Variants in IGSF21 observed in about 807,000 individuals in gnomAD.
IGSF21 encodes the protein immunoglobin superfamily member 21, also known as immunoglobulin superfamily member 21.
Under a neutral mutation model 46.8 loss-of-function variants are expected in IGSF21, and 28 were observed. The ratio of observed to expected loss-of-function variants is 0.60; its 90% confidence interval spans 0.44 to 0.82. IGSF21 has a LOEUF of 0.82. Among genes scored for constraint, IGSF21 ranks in the 40% least tolerant of loss-of-function variants. The pLI, the probability that IGSF21 is intolerant of heterozygous loss-of-function variation, is 0.00. For missense variants in IGSF21, 624 were observed against 665.5 expected, an observed-to-expected ratio of 0.94 and a Z score of 0.69; for synonymous variants, 284 against 273.6, an observed-to-expected ratio of 1.04 and a Z score of -0.38.
chr1:18,147,744 A>G (rs1022896784), intron 1 of IGSF21, among the ~76,000 whole-genome samples: 5 of 152,188 alleles, frequency 3.3e-5, no homozygotes, highest in Admixed American at 2.6e-4. Flanking sequence ...GAGATTTGCA[A>G]CAACTTTGTG....
chr1:18,376,565 T>C (rs968952628), intron 7 of IGSF21, among the ~76,000 whole-genome samples, 170 bp downstream of exon 7: 1 of 152,206 alleles, frequency 6.6e-6, no homozygotes, highest in Non-Finnish European at 1.5e-5. Flanking sequence ...CCATGAGGAA[T>C]GGCAAAGAGG....
At chr1:18,159,310 C>T (rs138643597) in intron 1 of IGSF21, among the ~76,000 whole-genome samples, 16 of 152,258 alleles carry the variant, frequency 1.1e-4, no homozygotes, top group Non-Finnish European at 1.8e-4. Flanking sequence ...TGGAGGACTC[C>T]GAACAGGGGG....
chr1:18,162,197 C>T (rs542800587), intron 1 of IGSF21, among the ~76,000 whole-genome samples: 59 of 152,222 alleles, frequency 3.9e-4, no homozygotes, highest in Non-Finnish European at 7.2e-4. Flanking sequence ...AGGCACGTGC[C>T]ACCACATGTG....
chr1:18,247,871 G>A (rs2084800102), intron 2 of IGSF21, among the ~76,000 whole-genome samples: 1 of 152,136 alleles, frequency 6.6e-6, no homozygotes, highest in South Asian at 2.1e-4. Context: ...GATTTGAAGT[G>A]GGATTCAAAC....
chr1:18,136,396 G>A (rs2086367913), intron 1 of IGSF21, among the ~76,000 whole-genome samples: 1 of 152,140 alleles, frequency 6.6e-6, no homozygotes, highest in Non-Finnish European at 1.5e-5. Flanking sequence ...TTTTAGGTCT[G>A]ACATGTAAGT....
chr1:18,169,798 C>A (rs1354148289), intron 1 of IGSF21, among the ~76,000 whole-genome samples: 1 of 152,082 alleles, frequency 6.6e-6, no homozygotes, highest in Non-Finnish European at 1.5e-5. Context: ...GCTCCTGGTC[C>A]ACAGTGTGGT....
intron 6 of IGSF21, among the ~76,000 whole-genome samples, chr1:18,372,632 A>ATGGATGGATG (rs1557666105): frequency 1.0e-4 from 14 of 135,326 alleles, no homozygotes; most frequent in East Asian, 9.1e-4. Context: ...ATGGATGGAT[A>ATGGATGGATG]GATGGATGGA....
Position 18,108,046 on chromosome 1 carries a change from C to G in IGSF21, c.-83C>G, listed in dbSNP as rs2086107349. 1.9e-6 allele frequency: 1 copy of G among 527,814 alleles called. No homozygotes were observed. The highest frequency in any genetic ancestry group is 2.8e-6 in the Non-Finnish European group (1 of 352,924). 32.7% of individuals were successfully genotyped at this position (527,814 alleles called of 1,614,324 possible). On this transcript the variant is annotated 5_prime_UTR_variant, in exon 1 of 10. Transcript: ENST00000251296. ...CTCGGCCAGTGGCCGGAGGCAGGAG[C>G]GCGTCTGAGCCCATGGCGAGGGGAC...
intron 1 of IGSF21, among the ~76,000 whole-genome samples, chr1:18,173,586 G>A (rs2086763904): frequency 6.6e-6 from 1 of 152,172 alleles, no homozygotes. Context: ...TGTGTCTTTT[G>A]GGTCTGGCTT....
At chr1:18,185,776 G>A (rs2086897464) in intron 1 of IGSF21, among the ~76,000 whole-genome samples, 1 of 152,194 alleles carries the variant, frequency 6.6e-6, no homozygotes, top group Non-Finnish European at 1.5e-5. Context: ...CTGTAAGGAT[G>A]AATAAATCAA....
At chr1:18,269,277 G>A (rs1428778441) in intron 2 of IGSF21, among the ~76,000 whole-genome samples, 1 of 152,170 alleles carries the variant, frequency 6.6e-6, no homozygotes, top group African/African-American at 2.4e-5. Flanking sequence ...CAAGTGTGAT[G>A]CCCTGAGGGG....
At chr1:18,331,653 C>G (rs186141987) in intron 3 of IGSF21, among the ~76,000 whole-genome samples, 1 of 152,292 alleles carries the variant, frequency 6.6e-6, no homozygotes, top group East Asian at 1.9e-4. Context: ...AAGGGAGTAC[C>G]ATTCATCTCA....
intron 1 of IGSF21, chr1:18,115,078 T>C (rs2086176663): frequency 6.6e-6 from 1 of 152,280 alleles, no homozygotes; most frequent in Non-Finnish European, 1.5e-5. Context: ...GAGCTCACTG[T>C]CTCCCCTGTC....
At chr1:18,130,843 C>T (rs1464562476) in intron 1 of IGSF21, among the ~76,000 whole-genome samples, 2 of 152,254 alleles carry the variant, frequency 1.3e-5, no homozygotes, top group Non-Finnish European at 2.9e-5. Context: ...TGCCACTCAG[C>T]CACCTCAGAA....
At chr1:18,324,149 G>T (rs1168195483) in intron 3 of IGSF21, among the ~76,000 whole-genome samples, 1 of 152,198 alleles carries the variant, frequency 6.6e-6, no homozygotes, top group Non-Finnish European at 1.5e-5. Context: ...CCCAGCCAGA[G>T]GAATGGCTGG....
intron 1 of IGSF21, among the ~76,000 whole-genome samples, chr1:18,135,425 C>T (rs1214771317): frequency 6.8e-6 from 1 of 146,864 alleles, no homozygotes; most frequent in African/African-American, 2.5e-5. Context: ...CCCAACCCCA[C>T]AACAGTCCCC....
intron 3 of IGSF21, among the ~76,000 whole-genome samples, chr1:18,323,416 C>T (rs1317833054): frequency 6.6e-6 from 1 of 152,160 alleles, no homozygotes; most frequent in Non-Finnish European, 1.5e-5. Flanking sequence ...CCGTCCAGCA[C>T]CAAAAGTCCC....
At chr1:18,376,448 G>T in intron 7 of IGSF21, 53 bp downstream of exon 7, 1 of 1,258,556 alleles carries the variant, frequency 7.9e-7, no homozygotes, top group Non-Finnish European at 1.2e-6. Flanking sequence ...TAGAGGCACC[G>T]ACCCAGCACC....
At chr1:18,264,445 T>C (rs2084973249) in intron 2 of IGSF21, among the ~76,000 whole-genome samples, 1 of 152,224 alleles carries the variant, frequency 6.6e-6, no homozygotes, top group Non-Finnish European at 1.5e-5. Flanking sequence ...AACAAGATAG[T>C]CTGTGCCTTC....
Sources: allele counts gnomAD v4.1 joint callset (sites outside exome capture counted in the v4.1 genomes callset), GRCh38; gene constraint gnomAD v4.1.1; transcripts MANE v1.5; gene names NCBI Gene and HGNC (gene_info 2026-07-23, HGNC 2026-07-21).